Variants in CHD8 observed in about 807,000 individuals in gnomAD.
CHD8 encodes chromodomain helicase DNA binding protein 8.
Under a neutral mutation model 279.2 loss-of-function variants are expected in CHD8, and 31 were observed. The observed-to-expected ratio is 0.11, with a 90% CI of 0.08 to 0.15. The LOEUF (loss-of-function observed/expected upper bound fraction) is 0.15. Among genes scored for constraint, CHD8 ranks in the 10% least tolerant of loss-of-function variants. The pLI, the probability that CHD8 is intolerant of heterozygous loss-of-function variation, is 1.00. For missense variants in CHD8, 2,146 were observed against 3,230.5 expected, an observed-to-expected ratio of 0.66 and a Z score of 8.14; for synonymous variants, 1,081 against 1,139.6, an observed-to-expected ratio of 0.95 and a Z score of 1.04.
intron 16 of CHD8, among the ~76,000 whole-genome samples, chr14:21,404,415 A>C (rs1888174015): frequency 6.6e-6 from 1 of 151,902 alleles, no homozygotes; most frequent in Non-Finnish European, 1.5e-5. Context: ...AAAAAAAAAA[A>C]AAAAACTTAA....
Position 21,412,856 on chromosome 14 carries a change from AC to A in CHD8, c.2226+56del, listed in dbSNP as rs1446686371. On this transcript the variant is annotated intron_variant, in intron 10 of 37. Coordinates refer to ENST00000646647, the MANE Select transcript of CHD8 (RefSeq NM_001170629.2). Reference sequence around the variant, plus strand: ...TACCCGAAAAATAAAGGATTGGCAAACCCACCAGCAGAAATCTAAGAGGATG... The same window carrying A: ...TACCCGAAAAATAAAGGATTGGCAAACCACCAGCAGAAATCTAAGAGGATG... The A allele has an allele frequency of 2.1e-5, 23 of 1,094,884 alleles. No homozygotes were observed. In the African/African-American group the frequency reaches 2.9e-4, roughly 14 times the overall value. 67.8% of individuals were successfully genotyped at this position (1,094,884 alleles called of 1,614,324 possible).
chr14:21,404,536 A>G (rs1566424606), intron 16 of CHD8, among the ~76,000 whole-genome samples: 1 of 152,240 alleles, frequency 6.6e-6, no homozygotes, highest in Non-Finnish European at 1.5e-5. Flanking sequence ...ACACACTATC[A>G]GCACCCAAAA....
rs1481872606 is a variant in CHD8 at position 21,429,054 on chromosome 14, C to G, written c.1125G>C (p.Leu375=). The part of the protein sequence containing the change: ...QQPPSTQPVT[L]SSVQQAQIMG... ...TTATCTGAGCCTGCTGTACAGAGGA[C>G]AGAGTCACTGGCTGGGTGGAGGGTG... Residue 375 remains leucine, a synonymous_variant, in exon 3 of 38, where the codon CTG becomes CTC. Transcript: ENST00000646647. 2.5e-6 allele frequency: 4 copies of G among 1,613,986 alleles called. No homozygotes were observed. The highest frequency in any genetic ancestry group is 1.3e-5 in the African/African-American group (1 of 75,030).
rs773611059 is a variant in CHD8, at chr14:21,400,281, G to A, written c.4597C>T (p.Arg1533Cys). ...SGLSIPVPRG[R>C]KGKKVKSQST... The stretch of plus-strand genomic sequence containing the variant: ...TGTGACTTTACTTTTTTTCCTTTGC[G>A]TCCACGAGGCACAGGGATAGATAGA... Residue 1533 changes from arginine to cysteine, a missense_variant, in exon 24 of 38, where the codon CGC becomes TGC. By Grantham distance (180) the Arg-to-Cys change is radical. Coordinates refer to ENST00000646647, the MANE Select transcript of CHD8 (RefSeq NM_001170629.2). The surrounding 1 kb of genome is among the most constrained non-coding windows in gnomAD (Gnocchi z 4.2). 2 of 1,613,658 alleles carry A rather than the reference G, an allele frequency of 1.2e-6. No homozygotes were observed. The highest frequency in any genetic ancestry group is 1.1e-5 in the South Asian group (1 of 91,074).
At chr14:21,433,675 A>G (rs577791512) in intron 1 of CHD8, among the ~76,000 whole-genome samples, 62 of 152,358 alleles carry the variant, frequency 4.1e-4, no homozygotes, top group Non-Finnish European at 6.5e-4. Flanking sequence ...CAAAGTATAC[A>G]TGGTATCTCC....
At chr14:21,386,560 G>A (rs1392528488) in intron 37 of CHD8, among the ~76,000 whole-genome samples, 5 of 152,180 alleles carry the variant, frequency 3.3e-5, no homozygotes, top group Admixed American at 1.3e-4. Context: ...ACTTGTGACC[G>A]GGCGCGGTGG....
At chr14:21,390,706 G>A (rs893725301) in intron 37 of CHD8, among the ~76,000 whole-genome samples, 7 of 151,754 alleles carry the variant, frequency 4.6e-5, no homozygotes, top group African/African-American at 1.5e-4. Flanking sequence ...TGAACCCGGC[G>A]GGCGGAGGTT....
At chr14:21,452,365 T>C (rs1233436664) in intron 1 of CHD8, among the ~76,000 whole-genome samples, 8 of 150,998 alleles carry the variant, frequency 5.3e-5, no homozygotes, top group Non-Finnish European at 1.0e-4. Flanking sequence ...ACTTCAGGCC[T>C]GGTGTGGTGG....
chr14:21,402,273 GC>G lies in CHD8; in HGVS notation c.3882+62del. 1.3e-6 allele frequency: 2 copies of G among 1,575,410 alleles called. No homozygotes were observed. Among genetic ancestry groups the G allele is most frequent in the Non-Finnish European group, 1.7e-6 (2 of 1,146,126 alleles). On this transcript the variant is annotated intron_variant, in intron 19 of 37. Transcript: ENST00000646647. This position sits in a 1 kb window ranked among gnomAD's most constrained non-coding sequence, Gnocchi z 4.5. ...GTAGTCAAATCCCTGTGTACAAATA[GC>G]TTTTGTTTCCCTCTATCACAATGAT...
chr14:21,422,013 G>A (rs1889066395), intron 5 of CHD8, among the ~76,000 whole-genome samples: 1 of 152,158 alleles, frequency 6.6e-6, no homozygotes, highest in African/African-American at 2.4e-5. Flanking sequence ...CAGACCATTT[G>A]ATCTTGGATT....
rs1284339247 is a variant in CHD8, at chr14:21,408,890, A to G, written c.2365-65T>C. ...TATCAAAAGGTAAGACTTACTAGGTAAGTTCTAATAGTTAAAATCAATTCA... is the reference window on the plus strand; with the variant it reads ...TATCAAAAGGTAAGACTTACTAGGTGAGTTCTAATAGTTAAAATCAATTCA... On this transcript the variant is annotated intron_variant, in intron 11 of 37. Transcript: ENST00000646647. This position sits in a 1 kb window ranked among gnomAD's most constrained non-coding sequence, Gnocchi z 4.3. The G allele has an allele frequency of 2.0e-6, 3 of 1,493,212 alleles. No individual in the cohort carries two copies. The highest frequency in any genetic ancestry group is 1.4e-5 in the African/African-American group (1 of 71,584). The allele number at this position is 1,493,212 out of a possible 1,614,324, so 92.5% of individuals were successfully genotyped here.
intron 1 of CHD8, among the ~76,000 whole-genome samples, chr14:21,435,790 CA>C (rs1332002790): frequency 1.3e-5 from 2 of 152,166 alleles, no homozygotes; most frequent in East Asian, 3.8e-4. Flanking sequence ...TAACACTGGA[CA>C]AAGCCTTCTT....
intron 1 of CHD8, among the ~76,000 whole-genome samples, chr14:21,448,931 T>C (rs1473253534): frequency 2.0e-5 from 3 of 150,608 alleles, no homozygotes; most frequent in Non-Finnish European, 3.0e-5. Context: ...TCCCAGTACT[T>C]TGGGAGGCCG....
intron 3 of CHD8, 50 bp downstream of exon 3, chr14:21,428,914 G>T: frequency 6.3e-7 from 1 of 1,588,564 alleles, no homozygotes; most frequent in South Asian, 1.1e-5. Flanking sequence ...AACAGCAATG[G>T]ACTAAGTATT....
intron 1 of CHD8, chr14:21,454,907 C>T (rs894472920): frequency 6.6e-6 from 1 of 152,210 alleles, no homozygotes; most frequent in African/African-American, 2.4e-5. Context: ...AAGACACGAT[C>T]TAATTAACTA....
intron 1 of CHD8, among the ~76,000 whole-genome samples, chr14:21,444,838 TATTC>T (rs1295427373): frequency 2.6e-5 from 4 of 152,208 alleles, no homozygotes; most frequent in Non-Finnish European, 5.9e-5. Flanking sequence ...CCTCAATTAT[TATTC>T]ATTATTTTCT....
intron 21 of CHD8, 140 bp downstream of exon 21, chr14:21,401,263 T>G: frequency 1.3e-6 from 1 of 748,402 alleles, no homozygotes; most frequent in East Asian, 2.8e-5. Flanking sequence ...GCCTCCTAGG[T>G]AGAAAGTATC....
intron 16 of CHD8, among the ~76,000 whole-genome samples, chr14:21,404,576 T>A (rs1025188692): frequency 2.6e-5 from 4 of 152,280 alleles, no homozygotes; most frequent in Middle Eastern, 3.4e-3. Flanking sequence ...GGAGTGTCGA[T>A]GAGGACATTT....
intron 34 of CHD8, 129 bp downstream of exon 34, chr14:21,392,378 T>C (rs939687679): frequency 7.5e-6 from 7 of 938,160 alleles, no homozygotes; most frequent in Admixed American, 2.3e-5. Context: ...AAATGGATCT[T>C]TGTAAGCTCT....
Sources: gnomAD v4.1 joint callset for allele counts (sites outside exome capture counted in the v4.1 genomes callset) on GRCh38, gnomAD v4.1.1 for gene constraint, Gnocchi (gnomAD v3.1) non-coding constraint, MANE v1.5 for transcripts, NCBI Gene and HGNC (gene_info 2026-07-23, HGNC 2026-07-21) for gene names.